The following NHERF1 variants were observed in gnomAD, a reference collection of about 807,000 sequenced individuals.
NHERF1 encodes the protein Na(+)/H(+) exchange regulatory cofactor NHE-RF1.
the NHERF1 span, chr17:74,767,095 G>C: frequency 1.1e-6 from 1 of 878,120 alleles, no homozygotes; most frequent in Non-Finnish European, 1.9e-6. Context: ...AGGGTCCCCA[G>C]TTCCAGCTCC....
chr17:74,767,108 C>G, the NHERF1 span: 1 of 806,298 alleles, frequency 1.2e-6, no homozygotes, highest in Non-Finnish European at 2.2e-6. Flanking sequence ...CCAGCTCCTT[C>G]TTCAGCTCCA....
At chr17:74,768,318 G>C in the NHERF1 span, 1 of 1,381,294 alleles carries the variant, frequency 7.2e-7, no homozygotes. Context: ...ACACCAGCCT[G>C]CCTTTGAGGT....
the NHERF1 span, chr17:74,749,244 A>G: frequency 6.5e-7 from 1 of 1,529,360 alleles, no homozygotes; most frequent in Non-Finnish European, 8.7e-7. The surrounding 1 kb of genome is among the most constrained non-coding windows in gnomAD (Gnocchi z 5.6). Context: ...GGGGCTGGCA[A>G]CGAAAATGAG....
chr17:74,761,997 CCCCTGT>C, the NHERF1 span: 1 of 1,613,622 alleles, frequency 6.2e-7, no homozygotes, highest in Non-Finnish European at 8.5e-7. The surrounding 1 kb of genome is among the most constrained non-coding windows in gnomAD (Gnocchi z 4.3). Flanking sequence ...CATGGACCCT[CCCCTGT>C]CCCTGCAGCG....
At chr17:74,768,882 A>C in the NHERF1 span, 1 of 560,582 alleles carries the variant, frequency 1.8e-6, no homozygotes. Context: ...CCTCCTCCTC[A>C]CTGAGTGCCT....
At chr17:74,755,863 A>G in the NHERF1 span, among the ~76,000 whole-genome samples, 1 of 152,322 alleles carries the variant, frequency 6.6e-6, no homozygotes, top group Non-Finnish European at 1.5e-5. Flanking sequence ...AGGATGTACA[A>G]TAGCTCAATT....
the NHERF1 span, chr17:74,768,135 C>G: frequency 6.3e-7 from 1 of 1,594,390 alleles, no homozygotes; most frequent in Non-Finnish European, 8.6e-7. Flanking sequence ...ACAACCCTCT[C>G]CTCTCTGCCA....
At chr17:74,763,834 G>A in the NHERF1 span, among the ~76,000 whole-genome samples, 1 of 152,234 alleles carries the variant, frequency 6.6e-6, no homozygotes, top group Admixed American at 6.5e-5. Flanking sequence ...CCCCAGTCCT[G>A]TCCCCACCAG....
At chr17:74,766,600 C>G in the NHERF1 span, among the ~76,000 whole-genome samples, 1 of 151,422 alleles carries the variant, frequency 6.6e-6, no homozygotes, top group African/African-American at 2.4e-5. Flanking sequence ...CACACAAAAT[C>G]TTTGTGTGTG....
At chr17:74,749,380 GTCGTTTT>G in the NHERF1 span, 1 of 1,260,488 alleles carries the variant, frequency 7.9e-7, no homozygotes, top group East Asian at 2.7e-5. This position sits in a 1 kb window ranked among gnomAD's most constrained non-coding sequence, Gnocchi z 5.6. Flanking sequence ...CGCGCCCGCC[GTCGTTTT>G]TCTGAAACTC....
At chr17:74,748,976 C>G in the NHERF1 span, 241 of 1,607,066 alleles carry the variant, frequency 1.5e-4, 1 homozygote, top group African/African-American at 2.8e-3. This position sits in a 1 kb window ranked among gnomAD's most constrained non-coding sequence, Gnocchi z 4.3. Flanking sequence ...GCTGGTGGAG[C>G]CCGGCTCGCC....
At chr17:74,749,048 GAGA>G in the NHERF1 span, 5 of 1,598,996 alleles carry the variant, frequency 3.1e-6, no homozygotes, top group South Asian at 1.1e-5. The surrounding 1 kb of genome is among the most constrained non-coding windows in gnomAD (Gnocchi z 5.6). Flanking sequence ...CGAAAACGTG[GAGA>G]AGGAGACCCA....
At chr17:74,750,265 A>G in the NHERF1 span, among the ~76,000 whole-genome samples, 3 of 152,136 alleles carry the variant, frequency 2.0e-5, no homozygotes, top group South Asian at 2.1e-4. Flanking sequence ...AGCTGGCAAA[A>G]TAGGAGTTGT....
the NHERF1 span, among the ~76,000 whole-genome samples, chr17:74,752,307 C>A: frequency 1.3e-4 from 19 of 151,574 alleles, no homozygotes; most frequent in African/African-American, 4.6e-4. Context: ...GAGTTATATG[C>A]TGTTCCATGG....
the NHERF1 span, among the ~76,000 whole-genome samples, chr17:74,755,594 C>G: frequency 1.3e-5 from 2 of 152,338 alleles, no homozygotes; most frequent in Admixed American, 6.5e-5. Context: ...AAGTCCCACT[C>G]ACTGCTGGGT....
At chr17:74,761,737 C>T in the NHERF1 span, among the ~76,000 whole-genome samples, 3 of 152,336 alleles carry the variant, frequency 2.0e-5, no homozygotes, top group South Asian at 6.2e-4. This position sits in a 1 kb window ranked among gnomAD's most constrained non-coding sequence, Gnocchi z 4.3. Flanking sequence ...GAGAGCTAAC[C>T]TGGTCCTACC....
At chr17:74,769,008 T>G in the NHERF1 span, 1 of 364,654 alleles carries the variant, frequency 2.7e-6, no homozygotes, top group South Asian at 2.6e-5. Context: ...ATGTGATAAA[T>G]GGGTCCAGGG....
chr17:74,768,422 A>C, the NHERF1 span: 1 of 1,597,744 alleles, frequency 6.3e-7, no homozygotes, highest in Middle Eastern at 1.7e-4. Flanking sequence ...CAGGGAGCCT[A>C]ATGAGGGACT....
At chr17:74,749,129 A>G in the NHERF1 span, 1 of 1,568,024 alleles carries the variant, frequency 6.4e-7, no homozygotes, top group Non-Finnish European at 8.6e-7. This position sits in a 1 kb window ranked among gnomAD's most constrained non-coding sequence, Gnocchi z 5.6. Context: ...CGACCCCGAG[A>G]CGGACGAGCA....
Sources: allele counts gnomAD v4.1 joint callset (sites outside exome capture counted in the v4.1 genomes callset), GRCh38; gene constraint gnomAD v4.1.1; non-coding constraint Gnocchi (gnomAD v3.1); transcripts MANE v1.5; gene names NCBI Gene and HGNC (gene_info 2026-07-23, HGNC 2026-07-21).